Variants in BSN observed in about 807,000 individuals in gnomAD.
BSN encodes the protein protein bassoon.
In BSN, 57 loss-of-function variants were observed where a neutral mutation model predicts 264.8. That is an observed-to-expected ratio of 0.22 (90% CI 0.17 to 0.27). The LOEUF (loss-of-function observed/expected upper bound fraction) is 0.27. Ranked by LOEUF, BSN falls within the 10% of genes least tolerant of loss-of-function variation. The pLI, the probability that BSN is intolerant of heterozygous loss-of-function variation, is 1.00. For synonymous variants in BSN, 2,059 were observed against 2,137.3 expected, an observed-to-expected ratio of 0.96 and a Z score of 1.01; for missense variants, 4,615 against 5,232.5, an observed-to-expected ratio of 0.88 and a Z score of 3.64.
intron 1 of BSN, among the ~76,000 whole-genome samples, chr3:49,579,751 C>A (rs1266494455): frequency 1.4e-5 from 2 of 147,242 alleles, no homozygotes; most frequent in Non-Finnish European, 3.0e-5. Flanking sequence ...AAATTCCTTT[C>A]TATTTCTAGT....
Position 49,654,800 on chromosome 3 carries a change from T to C in BSN, c.5244T>C (p.Pro1748=), listed in dbSNP as rs914254752. The C allele has an allele frequency of 2.5e-6, 4 of 1,613,344 alleles. No homozygotes were observed. The highest frequency in any genetic ancestry group is 3.3e-5 in the Admixed American group (2 of 59,988). Residue 1748 remains proline (P), a synonymous_variant, in exon 5 of 12, where the codon CCT becomes CCC. Transcript: ENST00000296452. The surrounding 1 kb of genome is among the most constrained non-coding windows in gnomAD (Gnocchi z 4.1). ...SSVFMAQQKQ[P]VVYGDPYQSR... The stretch of plus-strand genomic sequence containing the variant: ...TGTTCATGGCTCAACAAAAGCAGCC[T>C]GTGGTCTATGGAGACCCCTACCAGA...
downstream of BSN, among the ~76,000 whole-genome samples, chr3:49,672,849 G>C (rs199712048): frequency 2.8e-5 from 4 of 143,040 alleles, no homozygotes; most frequent in East Asian, 8.1e-4. Context: ...GCGCGATCTC[G>C]GCTCACTGCA....
In BSN at chr3:49,661,156, C is replaced by G. The variant is rs750411328; in HGVS notation, c.9311C>G (p.Pro3104Arg). Residue 3104 changes from proline to arginine, a missense_variant, in exon 6 of 12, where the codon CCT becomes CGT. Pro to Arg is a moderately radical substitution (Grantham distance 103). This residue lies in a region of BSN where 3,415 missense variants were observed against 3,866.4 expected (regional missense o/e 0.88). Transcript: ENST00000296452. ...FPPGASYPAE[P>R]GLPNQQAFRP... is the part of the protein sequence containing the mutation. ...CCTGGTGCCAGTTACCCAGCTGAGC[C>G]TGGCCTGCCAAACCAGCAGGCTTTC... 11 of 1,613,214 alleles carry G rather than the reference C, an allele frequency of 6.8e-6. No individual in the cohort carries two copies. Among genetic ancestry groups the G allele is most frequent in the African/African-American group, 1.3e-5 (1 of 74,866 alleles).
intron 2 of BSN, among the ~76,000 whole-genome samples, chr3:49,627,580 T>C (rs1426759980): frequency 2.6e-5 from 4 of 152,200 alleles, no homozygotes; most frequent in Non-Finnish European, 5.9e-5. Context: ...CACCTGCTGT[T>C]AGATCTGTCC....
intron 1 of BSN, among the ~76,000 whole-genome samples, chr3:49,613,340 G>GAGAGAGAGAA (rs2052226189): frequency 6.6e-6 from 1 of 150,432 alleles, no homozygotes; most frequent in Non-Finnish European, 1.5e-5. Context: ...GAGAGAGAGA[G>GAGAGAGAGAA]AGAGAGAGAA....
rs1265612382 is a variant in BSN at position 49,606,749 on chromosome 3, A to G, written c.225-18226A>G. Among the ~76,000 whole-genome samples, 3 of 152,070 alleles carry G rather than the reference A, an allele frequency of 2.0e-5. No individual in the cohort carries two copies. The East Asian group carries it at 5.8e-4, about 29-fold the overall frequency. ...GTACCCCACTCTGTTCTCTGGAACT[A>G]TCAAGCTACCTTGAGTCCCCAGCAC... On this transcript the variant is annotated intron_variant, in intron 1 of 11. Coordinates refer to ENST00000296452, the MANE Select transcript of BSN (RefSeq NM_003458.4).
At chr3:49,584,808 G>A (rs149400757) in intron 1 of BSN, among the ~76,000 whole-genome samples, 1 of 151,980 alleles carries the variant, frequency 6.6e-6, no homozygotes, top group African/African-American at 2.4e-5. Flanking sequence ...CCAGCCTCTG[G>A]TAACTATCCT....
intron 1 of BSN, among the ~76,000 whole-genome samples, chr3:49,571,609 TCA>T (rs2051796018): frequency 6.6e-6 from 1 of 152,102 alleles, no homozygotes; most frequent in South Asian, 2.1e-4. Flanking sequence ...GGTAGTGCAC[TCA>T]CTCTGAGCCA....
downstream of BSN, among the ~76,000 whole-genome samples, chr3:49,673,115 T>A (rs868106836): frequency 8.3e-6 from 1 of 121,080 alleles, no homozygotes; most frequent in African/African-American, 3.2e-5. Flanking sequence ...TTTTTTTTTT[T>A]ACTTAACTAG....
At chr3:49,643,286 G>A in intron 3 of BSN, 134 bp downstream of exon 3, 2 of 1,400,234 alleles carry the variant, frequency 1.4e-6, no homozygotes, top group Non-Finnish European at 1.9e-6. Context: ...TAATGCTGCA[G>A]AGGGGCTGCA....
At chr3:49,576,511 C>T (rs2051846571) in intron 1 of BSN, among the ~76,000 whole-genome samples, 1 of 151,466 alleles carries the variant, frequency 6.6e-6, no homozygotes. Context: ...ACCTCCATCT[C>T]CTGGGTTAAA....
chr3:49,654,738 A>G lies in BSN; in HGVS notation c.5182A>G (p.Thr1728Ala). 1 of 1,613,604 alleles carries G rather than the reference A, an allele frequency of 6.2e-7. No individual in the cohort carries two copies. Among genetic ancestry groups the G allele is most frequent in the Non-Finnish European group, 8.5e-7 (1 of 1,180,004 alleles). ...TGCCCAGGAGCATACCTTCCTTGCT[A>G]CTGCCACCACCGTGAGCATCACCAT... Reference protein sequence around the residue: ...LNAQEHTFLATATTVSITMAS... With the variant: ...LNAQEHTFLAAATTVSITMAS... Residue 1728 changes from threonine to alanine, a missense_variant, in exon 5 of 12, where the codon ACT (threonine) becomes GCT (alanine). By Grantham distance (58) the Thr-to-Ala change is moderately conservative. Transcript: ENST00000296452. This position sits in a 1 kb window ranked among gnomAD's most constrained non-coding sequence, Gnocchi z 4.1.
Position 49,654,198 on chromosome 3 carries a change from C to G in BSN, c.4642C>G (p.Gln1548Glu). Residue 1548 changes from glutamine (Q) to glutamate (E), a missense_variant, in exon 5 of 12, where the codon CAG becomes GAG. Coordinates refer to ENST00000296452, the MANE Select transcript of BSN (RefSeq NM_003458.4). The surrounding 1 kb of genome is among the most constrained non-coding windows in gnomAD (Gnocchi z 4.1). ...ACCCAGCACGCCTCGCCTGGTGTGG[C>G]AGGAGTCCTCTCAAGAGGCTCCCTT... Reference protein sequence around the residue: ...HRPSTPRLVWQESSQEAPFMV... With the variant: ...HRPSTPRLVWEESSQEAPFMV... 1 of 1,613,918 alleles carries G rather than the reference C, an allele frequency of 6.2e-7. No individual in the cohort carries two copies. The highest frequency in any genetic ancestry group is 8.5e-7 in the Non-Finnish European group (1 of 1,179,974).
At chr3:49,619,860 T>C (rs1326357118) in intron 1 of BSN, among the ~76,000 whole-genome samples, 3 of 152,172 alleles carry the variant, frequency 2.0e-5, no homozygotes, top group Non-Finnish European at 4.4e-5. Flanking sequence ...CTCTGAGTCA[T>C]TTAGTGCTTA....
intron 1 of BSN, among the ~76,000 whole-genome samples, chr3:49,579,215 A>G (rs1036505694): frequency 1.3e-5 from 2 of 149,186 alleles, no homozygotes; most frequent in Admixed American, 6.7e-5. Flanking sequence ...TCTCAAATTC[A>G]TGGCTTCAAG....
intron 2 of BSN, among the ~76,000 whole-genome samples, chr3:49,639,162 A>G (rs1249244596): frequency 6.6e-6 from 1 of 151,238 alleles, no homozygotes; most frequent in Non-Finnish European, 1.5e-5. Context: ...CTCTACCCAA[A>G]CATAGACAAA....
rs1415411739 is a variant in BSN at position 49,638,612 on chromosome 3, A to G, written c.634-3656A>G. 6.6e-6 allele frequency among the ~76,000 whole-genome samples: 1 copy of G among 152,200 alleles called. No individual in the cohort carries two copies. The highest frequency in any genetic ancestry group is 2.4e-5 in the African/African-American group (1 of 41,440). ...CGTCTGGAAGAGGCTGGATAGAAAT[A>G]GCTGCACCCATCTGGGCGATGAGTC... On this transcript the variant is annotated intron_variant, in intron 2 of 11. Coordinates refer to ENST00000296452, the MANE Select transcript of BSN (RefSeq NM_003458.4). This position sits in a 1 kb window ranked among gnomAD's most constrained non-coding sequence, Gnocchi z 4.3.
intron 1 of BSN, among the ~76,000 whole-genome samples, chr3:49,608,203 A>C (rs764153116): frequency 3.9e-5 from 6 of 152,344 alleles, no homozygotes; most frequent in Middle Eastern, 3.4e-3. Context: ...TGCCACAGAT[A>C]GGTATTAGAT....
At chr3:49,597,922 C>T (rs1235608560) in intron 1 of BSN, among the ~76,000 whole-genome samples, 2 of 151,766 alleles carry the variant, frequency 1.3e-5, no homozygotes, top group East Asian at 1.9e-4. Flanking sequence ...GGATTACAGG[C>T]GTGAGCCACC....
Sources: allele counts gnomAD v4.1 joint callset (sites outside exome capture counted in the v4.1 genomes callset), GRCh38; gene constraint gnomAD v4.1.1; regional missense constraint gnomAD v4.1.1; non-coding constraint Gnocchi (gnomAD v3.1); transcripts MANE v1.5; gene names NCBI Gene and HGNC (gene_info 2026-07-23, HGNC 2026-07-21).